The following HSPA12A variants were observed in gnomAD, a reference collection of about 807,000 sequenced individuals.
HSPA12A encodes the protein heat shock protein family A (Hsp70) member 12A, also known as heat shock 70 kDa protein 12A.
In HSPA12A, 28 loss-of-function variants were observed where a neutral mutation model predicts 69.2. The ratio of observed to expected loss-of-function variants is 0.40; its 90% CI spans 0.30 to 0.55. The LOEUF (loss-of-function observed/expected upper bound fraction) is 0.55, where lower values mean the gene tolerates loss of function less well. Among genes scored for constraint, HSPA12A ranks in the 20% least tolerant of loss-of-function variants. HSPA12A has a pLI of 0.38. For missense variants in HSPA12A, 686 were observed against 900.7 expected (o/e 0.76, Z 3.05); for synonymous variants, 345 against 370.5 (o/e 0.93, Z 0.79).
At chr10:116,848,193 G>A (rs1028376856) in intron 1 of HSPA12A, among the ~76,000 whole-genome samples, 9 of 152,226 alleles carry the variant, frequency 5.9e-5, no homozygotes, top group African/African-American at 2.2e-4. Context: ...AGGTAACACA[G>A]ACTCAGATTC....
intron 1 of HSPA12A, among the ~76,000 whole-genome samples, chr10:116,844,994 TTA>T (rs1319295287): frequency 6.6e-6 from 1 of 152,174 alleles, no homozygotes; most frequent in Admixed American, 6.5e-5. Context: ...TTGCAATAGA[TTA>T]TGTCCTGATA....
At chr10:116,785,837 C>T (rs1347964816) in intron 2 of HSPA12A, among the ~76,000 whole-genome samples, 2 of 152,182 alleles carry the variant, frequency 1.3e-5, no homozygotes, top group Non-Finnish European at 2.9e-5. Context: ...CTGAGCCCTC[C>T]TGCCCCACTG....
chr10:116,696,476 G>C (rs978698912), intron 5 of HSPA12A, among the ~76,000 whole-genome samples: 2 of 152,126 alleles, frequency 1.3e-5, no homozygotes, highest in Non-Finnish European at 2.9e-5. Context: ...CATGTAAGAC[G>C]TTCCTTTATT....
rs782320510 is a variant in HSPA12A at position 116,674,734 on chromosome 10, G to A, written c.*47C>T. ...AGAACAGTCAAGGTTGAGGTCAGCA[G>A]ATGCAGATAAGTTGAGTCCAAGGGG... On this transcript the variant is annotated 3_prime_UTR_variant, in exon 12 of 12. Transcript: ENST00000369209. 1.9e-6 allele frequency: 3 copies of A among 1,557,766 alleles called. No individual in the cohort carries two copies. The East Asian group carries it at 6.8e-5, about 35-fold the overall frequency.
At chr10:116,690,800 T>C (rs1461967225) in intron 6 of HSPA12A, among the ~76,000 whole-genome samples, 2 of 146,310 alleles carry the variant, frequency 1.4e-5, no homozygotes, top group African/African-American at 5.3e-5. Flanking sequence ...ACTGCACCTC[T>C]CTTTTTTTTT....
chr10:116,785,933 C>T (rs1844566030), intron 2 of HSPA12A, among the ~76,000 whole-genome samples: 1 of 152,186 alleles, frequency 6.6e-6, no homozygotes, highest in Non-Finnish European at 1.5e-5. Flanking sequence ...CAGACTCTGC[C>T]TGAGTGGTCT....
At chr10:116,700,000 A>G (rs1850035562) in intron 4 of HSPA12A, among the ~76,000 whole-genome samples, 1 of 152,262 alleles carries the variant, frequency 6.6e-6, no homozygotes, top group African/African-American at 2.4e-5. Context: ...GCACTTGACT[A>G]GAACTTAATC....
intron 2 of HSPA12A, among the ~76,000 whole-genome samples, chr10:116,788,296 G>A (rs13377131): frequency 0.015 from 2,319 of 152,284 alleles, 65 homozygotes; most frequent in African/African-American, 0.053. Flanking sequence ...GCCCACGCTT[G>A]AGTGTTCCAA....
intron 2 of HSPA12A, among the ~76,000 whole-genome samples, chr10:116,769,305 C>T (rs1242718194): frequency 2.0e-5 from 3 of 152,196 alleles, no homozygotes; most frequent in African/African-American, 7.2e-5. Context: ...GCTTTCCCCA[C>T]CCCTTGCTAT....
rs1554877077 is a variant in HSPA12A, at chr10:116,673,619, C to T, written c.*1162G>A. 1 of 152,146 alleles carries T rather than the reference C, an allele frequency of 6.6e-6. No individual in the cohort carries two copies. Among genetic ancestry groups the T allele is most frequent in the African/African-American group, 2.4e-5 (1 of 41,422 alleles). 9.4% of individuals were successfully genotyped at this position (152,146 alleles called of 1,614,324 possible). A position where few individuals can be genotyped will look rare whatever the true frequency, so the allele number is the denominator to read the frequency against. On this transcript the variant is annotated 3_prime_UTR_variant, in exon 12 of 12. Coordinates refer to ENST00000369209, the MANE Select transcript of HSPA12A (RefSeq NM_025015.3). ...CAGGAACCTGTTCTGAACACGCACCCAGGCAATTCTGATGCAGGCGAGCCA... is the reference window on the plus strand; with the variant it reads ...CAGGAACCTGTTCTGAACACGCACCTAGGCAATTCTGATGCAGGCGAGCCA...
intron 2 of HSPA12A, among the ~76,000 whole-genome samples, chr10:116,774,113 C>T (rs1665666): frequency 0.26 from 38,840 of 151,148 alleles, 5,194 homozygotes; most frequent in African/African-American, 0.33. Context: ...GGGTTCACGC[C>T]ATTCTCCTGC....
At chr10:116,726,050 C>CAT (rs1554884992) in intron 1 of HSPA12A, among the ~76,000 whole-genome samples, 1 of 150,700 alleles carries the variant, frequency 6.6e-6, no homozygotes, top group African/African-American at 2.5e-5. Context: ...CACACACACA[C>CAT]ACACAACAGG....
chr10:116,731,648 C>A (rs1364438811), intron 1 of HSPA12A, among the ~76,000 whole-genome samples: 1 of 152,242 alleles, frequency 6.6e-6, no homozygotes, highest in Non-Finnish European at 1.5e-5. Flanking sequence ...CTTCTCCATT[C>A]TTGTACAGCC....
intron 2 of HSPA12A, among the ~76,000 whole-genome samples, chr10:116,760,726 A>G (rs956172497): frequency 6.6e-6 from 1 of 152,230 alleles, no homozygotes; most frequent in African/African-American, 2.4e-5. Flanking sequence ...AATTACACAG[A>G]ATGATATTTG....
At chr10:116,681,069 A>T in intron 9 of HSPA12A, 83 bp downstream of exon 9, 1 of 911,430 alleles carries the variant, frequency 1.1e-6, no homozygotes, top group Non-Finnish European at 1.8e-6. Context: ...AGAGAATAAA[A>T]CTGAGAGTTA....
At position 116,756,038 on chromosome 10, in the gene HSPA12A, T is replaced by C. The variant is rs555196409; in HGVS notation, c.92-48753A>G. On this transcript the variant is annotated intron_variant, in intron 2 of 12. Transcript: ENST00000635765. Reference sequence around the variant, plus strand: ...CAAGCAGAAAAACACCCATAAATAATGATGATAACCACTAAAAGTATGCCT... The same window carrying C: ...CAAGCAGAAAAACACCCATAAATAACGATGATAACCACTAAAAGTATGCCT... Among the ~76,000 whole-genome samples the C allele has an allele frequency of 2.0e-5, 3 of 152,168 alleles. No homozygotes were observed. The South Asian group carries it at 6.2e-4, about 32-fold the overall frequency.
chr10:116,689,326 A>T (rs1303546966), intron 6 of HSPA12A, among the ~76,000 whole-genome samples: 1 of 151,954 alleles, frequency 6.6e-6, no homozygotes, highest in Non-Finnish European at 1.5e-5. Context: ...AGTAGACGTG[A>T]CCAGTTCTCC....
chr10:116,750,579 T>TAA (rs59196229), intron 2 of HSPA12A: 2 of 324,218 alleles, frequency 6.2e-6, no homozygotes, highest in East Asian at 1.5e-4. Context: ...TCTCAATACA[T>TAA]AAAAAAACAG....
chr10:116,822,215 G>A (rs898407816), intron 2 of HSPA12A, among the ~76,000 whole-genome samples: 4 of 152,178 alleles, frequency 2.6e-5, no homozygotes, highest in Non-Finnish European at 4.4e-5. Flanking sequence ...ACCAGTGGAG[G>A]AAGCACAGGA....
Sources: allele counts gnomAD v4.1 joint callset (sites outside exome capture counted in the v4.1 genomes callset), GRCh38; gene constraint gnomAD v4.1.1; transcripts MANE v1.5; gene names NCBI Gene and HGNC (gene_info 2026-07-23, HGNC 2026-07-21).